The following APOOL variants were observed in gnomAD, a reference collection of about 807,000 sequenced individuals.
The protein encoded by APOOL is apolipoprotein O like.
A neutral mutation model predicts 23.1 loss-of-function variants in APOOL; 12 were observed. The observed-to-expected ratio is 0.52, with a 90% confidence interval of 0.33 to 0.84. The LOEUF (loss-of-function observed/expected upper bound fraction) is 0.84, where lower values mean the gene tolerates loss of function less well. Ranked by LOEUF, APOOL falls within the 40% of genes least tolerant of loss-of-function variation. The pLI, the probability that APOOL is intolerant of heterozygous loss-of-function variation, is 0.02. For missense variants in APOOL, 212 were observed against 199.6 expected, an observed-to-expected ratio of 1.06 and a Z score of -0.37; for synonymous variants, 77 against 69.9, an observed-to-expected ratio of 1.10 and a Z score of -0.51.
At chrX:85,016,097 ATTTAC>A (rs1297054051) in intron 1 of APOOL, among the ~76,000 whole-genome samples, 1 of 109,650 alleles carries the variant, frequency 9.1e-6, no homozygotes, top group African/African-American at 3.3e-5. Flanking sequence ...CAATTTATTT[ATTTAC>A]TTTATTTTTT....
chrX:85,024,113 G>T (rs1921762578), intron 1 of APOOL, among the ~76,000 whole-genome samples: 3 of 111,860 alleles, frequency 2.7e-5, no homozygotes, highest in Non-Finnish European at 1.9e-5. Flanking sequence ...TTGCCTCTGT[G>T]TCAGCATGCT....
chrX:85,077,730 TA>T (rs1347704786), intron 8 of APOOL, among the ~76,000 whole-genome samples: 1 of 111,904 alleles, frequency 8.9e-6, no homozygotes, highest in East Asian at 2.8e-4. Flanking sequence ...ACCAACAGTG[TA>T]AAAGCATTCC....
chrX:85,015,844 C>T (rs1217016884), intron 1 of APOOL, among the ~76,000 whole-genome samples: 6 of 111,342 alleles, frequency 5.4e-5, no homozygotes, highest in African/African-American at 6.5e-5. Context: ...CTGGGATTAC[C>T]GGCATGAGCC....
In APOOL at chrX:85,093,073, A is replaced by G; in HGVS notation, c.*5395A>G. 2 of 706,037 alleles carry G rather than the reference A, an allele frequency of 2.8e-6. No homozygotes were observed. The highest frequency in any genetic ancestry group is 2.2e-5 in the African/African-American group (1 of 46,409). The allele number at this position is 706,037 out of a possible 1,213,427, so 58.2% of individuals were successfully genotyped here. A position where few individuals can be genotyped will look rare whatever the true frequency, so the allele number is the denominator to read the frequency against. ...TTTAATTTGGGTAGAAATTTGAAGTATATGTTGGGGTTATGTTCAAATGGT... is the reference window on the plus strand; with the variant it reads ...TTTAATTTGGGTAGAAATTTGAAGTGTATGTTGGGGTTATGTTCAAATGGT... On this transcript the variant is annotated 3_prime_UTR_variant, in exon 9 of 9. Coordinates refer to ENST00000373173, the MANE Select transcript of APOOL (RefSeq NM_198450.6).
Position 85,004,342 on chromosome X carries a change from T to TG in APOOL, c.15+419dup, listed in dbSNP as rs765318019. On this transcript the variant is annotated intron_variant, in intron 1 of 8. Coordinates refer to ENST00000373173, the MANE Select transcript of APOOL (RefSeq NM_198450.6). ...TATGGAAGGACTTTGTTGAAACATT[T>TG]GGGGTGAAACTGACCAGGATAGAGA... Among the ~76,000 whole-genome samples the TG allele has an allele frequency of 3.3e-4, 37 of 112,232 alleles. No homozygotes were observed. The East Asian group carries it at 8.7e-3, about 26-fold the overall frequency.
At chrX:85,005,567 C>T (rs1207805247) in intron 1 of APOOL, among the ~76,000 whole-genome samples, 6 of 111,066 alleles carry the variant, frequency 5.4e-5, no homozygotes, top group Admixed American at 9.6e-5. Context: ...CTTGTCTGTT[C>T]TAGCTACCTA....
At chrX:85,052,900 A>G (rs1008880177) in intron 3 of APOOL, among the ~76,000 whole-genome samples, 4 of 111,824 alleles carry the variant, frequency 3.6e-5, no homozygotes, top group African/African-American at 9.7e-5. Context: ...TTAAATTGCT[A>G]TTGTAACTGT....
At chrX:85,086,736 G>T (rs1219918718) in intron 8 of APOOL, among the ~76,000 whole-genome samples, 1 of 97,676 alleles carries the variant, frequency 1.0e-5, no homozygotes, top group East Asian at 3.2e-4. Context: ...GTCTCGCTGT[G>T]TCTCCCAGGT....
intron 5 of APOOL, among the ~76,000 whole-genome samples, chrX:85,066,854 A>G (rs903098947): frequency 1.8e-5 from 2 of 110,313 alleles, no homozygotes; most frequent in Middle Eastern, 4.7e-3. Flanking sequence ...CCTAGCTTTC[A>G]AGCAGAAGAA....
intron 5 of APOOL, among the ~76,000 whole-genome samples, chrX:85,058,401 A>T (rs1923054366): frequency 9.0e-6 from 1 of 111,628 alleles, no homozygotes; most frequent in African/African-American, 3.3e-5. Flanking sequence ...AAAGGACATG[A>T]TCTCATTCCT....
chrX:85,023,655 T>C (rs1232086585), intron 1 of APOOL, among the ~76,000 whole-genome samples: 2 of 112,110 alleles, frequency 1.8e-5, no homozygotes, highest in Non-Finnish European at 3.8e-5. Context: ...TTTGAAAATC[T>C]ATTCCAACGC....
chrX:85,051,879 A>C (rs1178903297), intron 3 of APOOL, among the ~76,000 whole-genome samples: 1 of 112,066 alleles, frequency 8.9e-6, no homozygotes, highest in Non-Finnish European at 1.9e-5. Flanking sequence ...AATAGGTCAG[A>C]TATAACTTAC....
intron 1 of APOOL, among the ~76,000 whole-genome samples, chrX:85,038,264 A>T (rs984583730): frequency 9.9e-5 from 11 of 111,103 alleles, no homozygotes; most frequent in Non-Finnish European, 7.6e-5. Flanking sequence ...GCTTTCTAGT[A>T]TTTCCTAGAT....
chrX:85,081,235 C>G (rs1278450113), intron 8 of APOOL, among the ~76,000 whole-genome samples: 1 of 111,532 alleles, frequency 9.0e-6, no homozygotes, highest in Non-Finnish European at 1.9e-5. Flanking sequence ...ACCGGTTGTT[C>G]CTTTCCATGT....
chrX:85,016,118 G>C (rs1921463613), intron 1 of APOOL, among the ~76,000 whole-genome samples: 1 of 109,422 alleles, frequency 9.1e-6, no homozygotes, highest in African/African-American at 3.3e-5. Flanking sequence ...TTTTTCCATT[G>C]TTTTATTTAC....
intron 2 of APOOL, among the ~76,000 whole-genome samples, chrX:85,050,478 A>G (rs1922726514): frequency 9.1e-6 from 1 of 110,074 alleles, no homozygotes. Context: ...TGTTGTTGGT[A>G]GAGGAGCAAA....
rs766497759 is a variant in APOOL, at chrX:85,088,316, G to GTTTTTTTTTTTTT, written c.*655_*667dup. ...TGTATGGAAAGGTGTGTTTCCCTCT[G>GTTTTTTTTTTTTT]TTTTTTTTTTTTTTTTTTTTTTTTT... On this transcript the variant is annotated 3_prime_UTR_variant, in exon 9 of 9. Coordinates refer to ENST00000373173, the MANE Select transcript of APOOL (RefSeq NM_198450.6). 4.4e-4 allele frequency: 10 copies of GTTTTTTTTTTTTT among 22,530 alleles called. 1 individual carries two copies. The highest frequency in any genetic ancestry group is 6.3e-4 in the Non-Finnish European group (8 of 12,654). 1.9% of individuals were successfully genotyped at this position (22,530 alleles called of 1,213,427 possible).
At chrX:85,080,359 A>T (rs1924046010) in intron 8 of APOOL, 1 of 111,911 alleles carries the variant, frequency 8.9e-6, no homozygotes, top group South Asian at 3.7e-4. Context: ...CCCAGTAGTC[A>T]TTCAGGAGCA....
chrX:85,073,228 A>C (rs933476947), intron 6 of APOOL, among the ~76,000 whole-genome samples: 1 of 111,419 alleles, frequency 9.0e-6, no homozygotes, highest in African/African-American at 3.2e-5. Context: ...ATGTTTGTAG[A>C]AATTATAATC....
Sources: allele counts gnomAD v4.1 joint callset (sites outside exome capture counted in the v4.1 genomes callset), GRCh38; gene constraint gnomAD v4.1.1; transcripts MANE v1.5; gene names NCBI Gene and HGNC (gene_info 2026-07-23, HGNC 2026-07-21).